The following MAF variants were observed in gnomAD, a reference collection of about 807,000 sequenced individuals.
MAF encodes transcription factor Maf.
Under a neutral mutation model 22.0 loss-of-function variants are expected in MAF, and 10 were observed. The ratio of observed to expected loss-of-function variants is 0.45; its 90% CI spans 0.28 to 0.77. The LOEUF (loss-of-function observed/expected upper bound fraction) is 0.77, where lower values mean the gene tolerates loss of function less well. MAF is among the 30% of genes least tolerant of loss of function. MAF has a pLI of 0.12. For synonymous variants in MAF, 337 were observed against 255.8 expected (o/e 1.32, Z -3.03); for missense variants, 544 against 548.4 (o/e 0.99, Z 0.08).
the MAF span, among the ~76,000 whole-genome samples, chr16:79,524,106 C>T: frequency 2.0e-5 from 3 of 152,206 alleles, no homozygotes; most frequent in Non-Finnish European, 4.4e-5. Flanking sequence ...TGAAGGGACT[C>T]ACTGGCATCC....
the MAF span, among the ~76,000 whole-genome samples, chr16:79,282,768 G>C: frequency 4.6e-5 from 7 of 152,090 alleles, no homozygotes; most frequent in Non-Finnish European, 7.3e-5. Context: ...TTCATCTGGG[G>C]GTTTAATATT....
At chr16:79,315,339 A>T in the MAF span, among the ~76,000 whole-genome samples, 1 of 152,204 alleles carries the variant, frequency 6.6e-6, no homozygotes, top group Non-Finnish European at 1.5e-5. Context: ...GAGAGTTGAA[A>T]CTACTATGAT....
chr16:79,523,064 C>A, the MAF span, among the ~76,000 whole-genome samples: 3 of 152,100 alleles, frequency 2.0e-5, no homozygotes, highest in Non-Finnish European at 4.4e-5. Context: ...AAAATTTTAC[C>A]CTCTAGGTAT....
At chr16:79,209,991 G>A in the MAF span, among the ~76,000 whole-genome samples, 1 of 152,232 alleles carries the variant, frequency 6.6e-6, no homozygotes, top group Non-Finnish European at 1.5e-5. Flanking sequence ...GCATGATAAT[G>A]GAGGGAGATT....
the MAF span, among the ~76,000 whole-genome samples, chr16:79,482,358 G>A: frequency 3.3e-5 from 5 of 152,098 alleles, no homozygotes; most frequent in Admixed American, 2.6e-4. Context: ...TCCAGGAGAA[G>A]GCTTACCACC....
In MAF at chr16:79,599,510, G is replaced by A. The variant is rs2143812990; in HGVS notation, c.393C>T (p.Tyr131=). 3.3e-6 allele frequency: 5 copies of A among 1,521,166 alleles called. No individual in the cohort carries two copies. Among genetic ancestry groups the A allele is most frequent in the Non-Finnish European group, 3.5e-6 (4 of 1,136,092 alleles). 94.2% of individuals were successfully genotyped at this position (1,521,166 alleles called of 1,614,324 possible). A position where few individuals can be genotyped will look rare whatever the true frequency, so the allele number is the denominator to read the frequency against. Residue 131 remains tyrosine, a synonymous_variant, in exon 1 of 2, where the codon TAC becomes TAT. Coordinates refer to ENST00000326043, the MANE Select transcript of MAF (RefSeq NM_005360.5). ...SHQLQGGFDG[Y]ARGAQQLAAA... Reference sequence around the variant, plus strand: ...CGGCCAGCTGCTGCGCCCCGCGCGCGTAGCCATCGAAGCCGCCCTGGAGCT... The same window carrying A: ...CGGCCAGCTGCTGCGCCCCGCGCGCATAGCCATCGAAGCCGCCCTGGAGCT...
At chr16:79,390,949 T>G in the MAF span, among the ~76,000 whole-genome samples, 24 of 152,232 alleles carry the variant, frequency 1.6e-4, 1 homozygote, top group Middle Eastern at 0.01. Context: ...GGCTACTGTC[T>G]CTCAGCCCTC....
At chr16:79,408,078 CAAA>C in the MAF span, among the ~76,000 whole-genome samples, 11 of 81,556 alleles carry the variant, frequency 1.3e-4, no homozygotes, top group East Asian at 4.7e-4. Context: ...TTTTACCTTT[CAAA>C]AAAAAAAAAA....
the MAF span, among the ~76,000 whole-genome samples, chr16:79,300,512 G>C: frequency 6.6e-6 from 1 of 151,978 alleles, no homozygotes; most frequent in Admixed American, 6.6e-5. Flanking sequence ...TGGAGATCCG[G>C]CCACTGCACT....
At chr16:79,474,758 T>G in the MAF span, among the ~76,000 whole-genome samples, 3 of 152,122 alleles carry the variant, frequency 2.0e-5, no homozygotes, top group Admixed American at 2.0e-4. Flanking sequence ...CCAGACCTAC[T>G]TTTTGGAGGC....
chr16:79,317,072 T>A, the MAF span, among the ~76,000 whole-genome samples: 1 of 152,224 alleles, frequency 6.6e-6, no homozygotes, highest in African/African-American at 2.4e-5. Context: ...AGCCCTGGAT[T>A]TTTTGTTTCT....
At chr16:79,555,952 A>G in the MAF span, among the ~76,000 whole-genome samples, 1 of 152,254 alleles carries the variant, frequency 6.6e-6, no homozygotes, top group Non-Finnish European at 1.5e-5. Context: ...ACAATAAAAT[A>G]CAGTAAAATC....
At chr16:79,397,242 A>G in the MAF span, among the ~76,000 whole-genome samples, 1 of 152,132 alleles carries the variant, frequency 6.6e-6, no homozygotes, top group African/African-American at 2.4e-5. Flanking sequence ...ACATGCACTG[A>G]GTCTTTACCG....
chr16:79,515,155 G>A, the MAF span, among the ~76,000 whole-genome samples: 2 of 152,216 alleles, frequency 1.3e-5, no homozygotes, highest in Non-Finnish European at 2.9e-5. Context: ...AGACTTCACT[G>A]TGTTCAATAA....
chr16:79,209,630 A>ATGAC, the MAF span, among the ~76,000 whole-genome samples: 1 of 152,208 alleles, frequency 6.6e-6, no homozygotes, highest in African/African-American at 2.4e-5. Flanking sequence ...ATGAAAATAT[A>ATGAC]TGACAGATAT....
At chr16:79,362,374 TA>T in the MAF span, among the ~76,000 whole-genome samples, 1 of 152,136 alleles carries the variant, frequency 6.6e-6, no homozygotes, top group Non-Finnish European at 1.5e-5. Context: ...ATATACGAGT[TA>T]CCCCCACTTT....
chr16:79,313,262 C>G, the MAF span, among the ~76,000 whole-genome samples: 2 of 152,090 alleles, frequency 1.3e-5, no homozygotes, highest in Non-Finnish European at 2.9e-5. Flanking sequence ...CACTTAACAA[C>G]ATGATTAATT....
the MAF span, among the ~76,000 whole-genome samples, chr16:79,578,754 C>T: frequency 6.6e-6 from 1 of 152,082 alleles, no homozygotes; most frequent in Non-Finnish European, 1.5e-5. Flanking sequence ...TTACTTTTTC[C>T]TTTAAAAAAA....
chr16:79,556,976 CA>C, the MAF span, among the ~76,000 whole-genome samples: 3 of 121,380 alleles, frequency 2.5e-5, no homozygotes, highest in Non-Finnish European at 5.6e-5. Flanking sequence ...CAACATACAA[CA>C]AGCTTTAAAA....
Sources: gnomAD v4.1 joint callset for allele counts (sites outside exome capture counted in the v4.1 genomes callset) on GRCh38, gnomAD v4.1.1 for gene constraint, MANE v1.5 for transcripts, NCBI Gene and HGNC (gene_info 2026-07-23, HGNC 2026-07-21) for gene names.